The following TENM2 variants were observed in gnomAD, a reference collection of about 807,000 sequenced individuals.
The protein encoded by TENM2 is teneurin-2.
Under a neutral mutation model 245.2 loss-of-function variants are expected in TENM2, and 52 were observed. The observed-to-expected ratio is 0.21, with a 90% CI of 0.17 to 0.27. The LOEUF (loss-of-function observed/expected upper bound fraction) is 0.27, where lower values mean the gene tolerates loss of function less well. Among genes scored for constraint, TENM2 ranks in the 10% least tolerant of loss-of-function variants. The pLI is 1.00. For missense variants in TENM2, 3,046 were observed against 3,666.8 expected (o/e 0.83, Z 4.37); for synonymous variants, 1,363 against 1,438.9 (o/e 0.95, Z 1.19).
At chr5:168,148,921 T>A (rs7719852) in intron 12 of TENM2, among the ~76,000 whole-genome samples, 38,453 of 121,334 alleles carry the variant, frequency 0.32, 5,950 homozygotes, top group Non-Finnish European at 0.38. Context: ...ATAGATAGAT[T>A]GATAGATAGC....
At chr5:168,116,245 C>T (rs898948782) in intron 9 of TENM2, among the ~76,000 whole-genome samples, 8 of 152,196 alleles carry the variant, frequency 5.3e-5, no homozygotes, top group South Asian at 2.1e-4. Context: ...ATTCAATATG[C>T]GGCTTTGAAG....
chr5:167,646,200 C>CATATAT (rs61476810), intron 2 of TENM2, among the ~76,000 whole-genome samples: 4,533 of 62,840 alleles, frequency 0.072, 259 homozygotes, highest in East Asian at 0.11. Context: ...ATGTTGTTTT[C>CATATAT]ATATATATAT....
chr5:168,220,212 C>T (rs1025595940), intron 23 of TENM2, among the ~76,000 whole-genome samples: 5 of 152,184 alleles, frequency 3.3e-5, no homozygotes, highest in Non-Finnish European at 7.3e-5. Context: ...CACCCAAACA[C>T]CTCCGAGATT....
At chr5:168,263,481 T>C (rs1357130971), downstream of TENM2, 1 of 151,730 alleles carries the variant, frequency 6.6e-6, no homozygotes, top group East Asian at 1.9e-4. Flanking sequence ...AAATACTTTT[T>C]AAAGAAAAAA....
intron 5 of TENM2, among the ~76,000 whole-genome samples, chr5:168,042,752 C>T (rs1788302447): frequency 6.6e-6 from 1 of 152,140 alleles, no homozygotes; most frequent in Non-Finnish European, 1.5e-5. Context: ...TTACTGAAAT[C>T]GGGGATCTGT....
intron 19 of TENM2, among the ~76,000 whole-genome samples, chr5:168,205,546 AC>A (rs1157677955): frequency 6.6e-6 from 1 of 152,214 alleles, no homozygotes; most frequent in Non-Finnish European, 1.5e-5. Context: ...AACCTCTTGT[AC>A]TAGGTCACGT....
chr5:167,560,907 G>T (rs1488846232), intron 2 of TENM2, among the ~76,000 whole-genome samples: 1 of 133,832 alleles, frequency 7.5e-6, no homozygotes, highest in Non-Finnish European at 1.7e-5. Flanking sequence ...GTCATGAACT[G>T]GGGAGAAGGT....
chr5:167,531,734 T>A (rs1352748403), intron 2 of TENM2, among the ~76,000 whole-genome samples: 1 of 152,192 alleles, frequency 6.6e-6, no homozygotes, highest in Non-Finnish European at 1.5e-5. Flanking sequence ...TTTGTCTTTC[T>A]GTGCCTGGCT....
At chr5:167,722,802 A>C (rs1198328351) in intron 2 of TENM2, among the ~76,000 whole-genome samples, 1 of 150,482 alleles carries the variant, frequency 6.6e-6, no homozygotes, top group East Asian at 1.9e-4. Context: ...CAAAACAAAC[A>C]AAAAAAAACA....
At chr5:167,798,785 A>G (rs1765497350) in intron 2 of TENM2, among the ~76,000 whole-genome samples, 1 of 152,202 alleles carries the variant, frequency 6.6e-6, no homozygotes, top group Admixed American at 6.5e-5. Context: ...CTAGATCTTA[A>G]TTATGCTGCT....
At chr5:167,452,018 GT>G (rs1348988049) in intron 2 of TENM2, among the ~76,000 whole-genome samples, 2 of 152,116 alleles carry the variant, frequency 1.3e-5, no homozygotes, top group Admixed American at 1.3e-4. Flanking sequence ...AGGTGATGGA[GT>G]TTTCTATAAC....
chr5:167,388,203 G>T (rs189893439), intron 2 of TENM2, among the ~76,000 whole-genome samples: 1 of 152,146 alleles, frequency 6.6e-6, no homozygotes, highest in Admixed American at 6.5e-5. Flanking sequence ...CTTGTTATTG[G>T]TCTGTTCAGG....
the TENM2 span, among the ~76,000 whole-genome samples, chr5:167,170,359 C>T: frequency 6.6e-6 from 1 of 152,172 alleles, no homozygotes; most frequent in Non-Finnish European, 1.5e-5. Flanking sequence ...TGCATAAATA[C>T]TAGCTAGGTA....
intron 4 of TENM2, chr5:167,953,397 G>A (rs570116995): frequency 5.2e-5 from 8 of 153,972 alleles, no homozygotes; most frequent in African/African-American, 1.9e-4. Context: ...CTTACGTGAG[G>A]AGGGAAGAGT....
At position 168,023,957 on chromosome 5, in the gene TENM2, C is replaced by T. The variant is rs183494882; in HGVS notation, c.1187-23470C>T. ...TCACAATCATGCATAAAAACTGTGA[C>T]GTATATATAAGATGTATACATATAT... is the stretch of plus-strand genomic sequence containing the variant. On this transcript the variant is annotated intron_variant, in intron 5 of 28. Coordinates refer to ENST00000518659, the Ensembl canonical transcript of TENM2. Among the ~76,000 whole-genome samples the T allele has an allele frequency of 8.2e-4, 125 of 151,980 alleles. 1 individual carries two copies. Among genetic ancestry groups the T allele is most frequent in the Admixed American group, 5.2e-3 (80 of 15,282 alleles).
At chr5:167,998,378 TA>T (rs1294744964) in intron 5 of TENM2, among the ~76,000 whole-genome samples, 1 of 152,168 alleles carries the variant, frequency 6.6e-6, no homozygotes, top group Non-Finnish European at 1.5e-5. Flanking sequence ...CTAGTTTCCT[TA>T]AAAGGCATCG....
At chr5:168,060,442 T>C (rs1789941928) in intron 6 of TENM2, among the ~76,000 whole-genome samples, 1 of 151,866 alleles carries the variant, frequency 6.6e-6, no homozygotes, top group African/African-American at 2.4e-5. Context: ...AAACAAAAGT[T>C]CAGAATGTTT....
chr5:168,223,448 A>G (rs148643165), intron 23 of TENM2, among the ~76,000 whole-genome samples: 186 of 151,934 alleles, frequency 1.2e-3, no homozygotes, highest in African/African-American at 4.4e-3. Context: ...TTAAACATGA[A>G]AGTATTGATT....
At chr5:167,171,021 CT>C in the TENM2 span, among the ~76,000 whole-genome samples, 1 of 152,190 alleles carries the variant, frequency 6.6e-6, no homozygotes, top group Non-Finnish European at 1.5e-5. Context: ...TTCCACAGCT[CT>C]GTCGTGGGTC....
Sources: allele counts gnomAD v4.1 joint callset (sites outside exome capture counted in the v4.1 genomes callset), GRCh38; gene constraint gnomAD v4.1.1; transcripts MANE v1.5; gene names NCBI Gene and HGNC (gene_info 2026-07-23, HGNC 2026-07-21).